Variants in USH1C observed in about 807,000 individuals in gnomAD.
USH1C encodes the protein harmonin.
A neutral mutation model predicts 119.3 loss-of-function variants in USH1C; 90 were observed. The ratio of observed to expected loss-of-function variants is 0.75; its 90% CI spans 0.64 to 0.90. The LOEUF is 0.90. USH1C is among the 40% of genes least tolerant of loss of function. The pLI is 0.00. For synonymous variants in USH1C, 465 were observed against 443.3 expected, an observed-to-expected ratio of 1.05 and a Z score of -0.62; for missense variants, 1,165 against 1,167.7, an observed-to-expected ratio of 1.00 and a Z score of 0.03.
chr11:17,543,742 C>T (rs1292812261), intron 1 of USH1C, among the ~76,000 whole-genome samples: 2 of 152,212 alleles, frequency 1.3e-5, no homozygotes, highest in Non-Finnish European at 2.9e-5. Context: ...TCAGCACCAG[C>T]TCCTCAGCTA....
In USH1C at chr11:17,517,478, C is replaced by T. The variant is rs199972595; in HGVS notation, c.1211-1188G>A. On this transcript the variant is annotated intron_variant, in intron 14 of 26. Coordinates refer to ENST00000005226, the MANE Select transcript of USH1C (RefSeq NM_153676.4). ...TCAGGTTCCACTCCCTGATCATCTACCCAGGGAAAAGAGGAGGAAGCTGGT... is the reference window on the plus strand; with the variant it reads ...TCAGGTTCCACTCCCTGATCATCTATCCAGGGAAAAGAGGAGGAAGCTGGT... 1.5e-5 allele frequency: 24 copies of T among 1,588,792 alleles called. No individual in the cohort carries two copies. In the African/African-American group the frequency reaches 2.7e-4, roughly 18 times the overall value.
At chr11:17,518,190 T>C (rs1307153422) in intron 14 of USH1C, among the ~76,000 whole-genome samples, 1 of 152,266 alleles carries the variant, frequency 6.6e-6, no homozygotes, top group Non-Finnish European at 1.5e-5. Flanking sequence ...TTAAGTTCTT[T>C]GGCTCTTGGC....
intron 1 of USH1C, among the ~76,000 whole-genome samples, chr11:17,541,864 T>C (rs1851484646): frequency 6.6e-6 from 1 of 152,224 alleles, no homozygotes; most frequent in African/African-American, 2.4e-5. Flanking sequence ...GACTGTCTTG[T>C]GAGGTAAGTT....
Position 17,511,991 on chromosome 11 carries a change from CT to C in USH1C, c.1323del (p.Glu442AsnfsTer22), listed in dbSNP as rs1212712910. ...GSLQDLRKNKKELEFEQKLYK... is the reference protein window; with the variant it reads ...GSLQDLRKNKXELEFEQKLYK... ...TAAAGCTTTTGCTCAAACTCCAGTT[CT>C]TTCTTATTCTTTCTCAAGTCCTGCA... On this transcript the variant is annotated frameshift_variant, in exon 16 of 27. Coordinates refer to ENST00000005226, the MANE Select transcript of USH1C (RefSeq NM_153676.4). LOFTEE classifies it high-confidence loss of function. 6.2e-7 allele frequency: 1 copy of C among 1,614,072 alleles called. No homozygotes were observed. The highest frequency in any genetic ancestry group is 8.5e-7 in the Non-Finnish European group (1 of 1,180,052).
At chr11:17,533,368 C>CCCG in intron 1 of USH1C, 46 bp from the exon 2 acceptor site, 1 of 1,380,368 alleles carries the variant, frequency 7.2e-7, no homozygotes, top group Non-Finnish European at 1.0e-6. Flanking sequence ...TCAGCACCCG[C>CCCG]CCCCATAGCA....
Position 17,520,913 on chromosome 11 carries a change from G to A in USH1C, c.1167C>T (p.Thr389=), listed in dbSNP as rs1412769328. 1.9e-6 allele frequency: 3 copies of A among 1,614,004 alleles called. No individual in the cohort carries two copies. The Admixed American group carries it at 5.0e-5, about 27-fold the overall frequency. ...GTACTGGGTGTACCTCAGCAGTGAT[G>A]GTTTTAGGCAAGAGTAGCTGTTCCT... ...GSKEQLLLPK[T]ITAEVHPVPL... Residue 389 remains threonine, a synonymous_variant, in exon 14 of 27, where the codon ACC becomes ACT. Transcript: ENST00000005226.
rs77999105 is a variant in USH1C, at chr11:17,533,490, C to T, written c.37-168G>A. The stretch of plus-strand genomic sequence containing the variant: ...CCAGGCTGCCCCTCTGACCCCAATG[C>T]ATCAGACCTATGCAGACCACCCCAA... On this transcript the variant is annotated intron_variant, in intron 1 of 26. Transcript: ENST00000005226. The T allele has an allele frequency of 1.8e-3, 1,229 of 686,828 alleles. 12 individuals are homozygous for T. Among genetic ancestry groups the T allele is most frequent in the African/African-American group, 0.017 (954 of 56,950 alleles). The allele number at this position is 686,828 out of a possible 1,614,324, so 42.5% of individuals were successfully genotyped here.
chr11:17,510,416 C>G lies in USH1C; in HGVS notation c.1519G>C (p.Glu507Gln), dbSNP rs962425019. The change falls in exon 17 of 27, where the codon GAG (glutamate) becomes CAG (glutamine). Residue 507 changes from glutamate (E) to glutamine (Q), a missense_variant. Coordinates refer to ENST00000005226, the MANE Select transcript of USH1C (RefSeq NM_153676.4). ...AAGGGCTCTGTTACCTCTGAAATCTCATTATCAGCAGAGGAAATCTGCTCG... is the reference window on the plus strand; with the variant it reads ...AAGGGCTCTGTTACCTCTGAAATCTGATTATCAGCAGAGGAAATCTGCTCG... ...RLEQISSADN[E>Q]ISEMTTGPPP... 6.2e-7 allele frequency: 1 copy of G among 1,611,654 alleles called. No individual in the cohort carries two copies. The highest frequency in any genetic ancestry group is 8.5e-7 in the Non-Finnish European group (1 of 1,179,382).
Position 17,512,088 on chromosome 11 carries a change from G to T in USH1C, c.1261-34C>A, listed in dbSNP as rs2190454. On this transcript the variant is annotated intron_variant, in intron 15 of 26. Transcript: ENST00000005226. ...ATGTGGCATTGTTTATATGACAAAG[G>T]TTAGAAATAGTGTCGACAGCACAGC... 8.1e-6 allele frequency: 13 copies of T among 1,612,442 alleles called. No individual in the cohort carries two copies. The East Asian group carries it at 2.7e-4, about 33-fold the overall frequency.
intron 23 of USH1C, among the ~76,000 whole-genome samples, chr11:17,499,985 C>G (rs1229938222): frequency 6.6e-6 from 1 of 152,192 alleles, no homozygotes; most frequent in Non-Finnish European, 1.5e-5. Context: ...TCCAAGGGCA[C>G]CTACATCTCC....
chr11:17,531,407 C>A lies in USH1C; in HGVS notation c.240G>T (p.Arg80=). The A allele has an allele frequency of 6.2e-7, 1 of 1,613,916 alleles. No homozygotes were observed. Among genetic ancestry groups the A allele is most frequent in the Non-Finnish European group, 8.5e-7 (1 of 1,179,904 alleles). ...GGTGGCTTCCTCTGCACCTGGAGCGCCGGGGGGTCAGCTGATCATATTCCA... is the reference window on the plus strand; with the variant it reads ...GGTGGCTTCCTCTGCACCTGGAGCGACGGGGGGTCAGCTGATCATATTCCA... The part of the protein sequence containing the change: ...HQVEYDQLTP[R]RSRKLKEVRL... Residue 80 remains arginine (R), a synonymous_variant, in exon 3 of 27, where the codon CGG becomes CGT. Coordinates refer to ENST00000005226, the MANE Select transcript of USH1C (RefSeq NM_153676.4). This position sits in a 1 kb window ranked among gnomAD's most constrained non-coding sequence, Gnocchi z 4.2.
rs369866148 is a variant in USH1C at position 17,527,268 on chromosome 11, T to C, written c.451A>G (p.Ile151Val). 19 of 1,611,208 alleles carry C rather than the reference T, an allele frequency of 1.2e-5. No individual in the cohort carries two copies. Among genetic ancestry groups the C allele is most frequent in the Non-Finnish European group, 1.6e-5 (19 of 1,178,904 alleles). ...GTTTTCTTGGTTCGAATGAGGTTGATGACCTCCTCATGGGTACAGGAGGAG... is the reference window on the plus strand; with the variant it reads ...GTTTTCTTGGTTCGAATGAGGTTGACGACCTCCTCATGGGTACAGGAGGAG... ...SISSCTHEEV[I>V]NLIRTKKTVS... The change falls in exon 5 of 27, where the codon ATC (isoleucine) becomes GTC (valine). Residue 151 changes from isoleucine (I) to valine (V), a missense_variant. Coordinates refer to ENST00000005226, the MANE Select transcript of USH1C (RefSeq NM_153676.4).
Position 17,527,285 on chromosome 11 carries a change from C to A in USH1C, c.434G>T (p.Cys145Phe), listed in dbSNP as rs1401383916. Residue 145 changes from cysteine to phenylalanine, a missense_variant, in exon 5 of 27, where the codon TGT becomes TTT. Cys to Phe is a radical substitution (Grantham distance 205). Transcript: ENST00000005226. ...VRINGYSISS[C>F]THEEVINLIR... is the part of the protein sequence containing the mutation. Reference sequence around the variant, plus strand: ...GAGGTTGATGACCTCCTCATGGGTACAGGAGGAGATGGAATATCCATTGAT... The same window carrying A: ...GAGGTTGATGACCTCCTCATGGGTAAAGGAGGAGATGGAATATCCATTGAT... The A allele has an allele frequency of 1.2e-6, 2 of 1,612,752 alleles. No individual in the cohort carries two copies. Among genetic ancestry groups the A allele is most frequent in the Non-Finnish European group, 1.7e-6 (2 of 1,179,726 alleles).
rs1476839048 is a variant in USH1C, at chr11:17,509,565, G to A, written c.1804C>T (p.Pro602Ser). 4 of 1,598,124 alleles carry A rather than the reference G, an allele frequency of 2.5e-6. No individual in the cohort carries two copies. The highest frequency in any genetic ancestry group is 1.3e-5 in the African/African-American group (1 of 74,620). The change falls in exon 18 of 27, where the codon CCC becomes TCC. Residue 602 changes from proline (P) to serine (S), a missense_variant. Coordinates refer to ENST00000005226, the MANE Select transcript of USH1C (RefSeq NM_153676.4). The part of the protein sequence containing the change: ...SSPWVQRTPP[P>S]IPIPPPPSVP... ...GATGGCGGGGGAGGGATGGGAATGG[G>A]GGGTGGAGTGCGCTGCACCCATGGA...
intron 17 of USH1C, among the ~76,000 whole-genome samples, 170 bp from the exon 18 acceptor site, chr11:17,510,008 G>T (rs1159681726): frequency 6.6e-6 from 1 of 152,190 alleles, no homozygotes; most frequent in African/African-American, 2.4e-5. Flanking sequence ...GCCCAGCTGA[G>T]GCCATACTAG....
chr11:17,509,911 A>G (rs1849813592), intron 17 of USH1C, 73 bp from the exon 18 acceptor site: 1 of 1,506,300 alleles, frequency 6.6e-7, no homozygotes, highest in South Asian at 1.3e-5. Flanking sequence ...AGCGAGCACT[A>G]TGCTCTTCTA....
At chr11:17,510,039 A>T (rs1849820834) in intron 17 of USH1C, among the ~76,000 whole-genome samples, 1 of 152,196 alleles carries the variant, frequency 6.6e-6, no homozygotes, top group African/African-American at 2.4e-5. Flanking sequence ...GGGAGTGCCC[A>T]AATGCAGAAG....
rs115059650 is a variant in USH1C, at chr11:17,517,546, C to G, written c.1211-1256G>C. 1.8e-3 allele frequency: 2,707 copies of G among 1,474,620 alleles called. 56 individuals are homozygous for G. In the African/African-American group the frequency reaches 0.033, roughly 18 times the overall value. The allele number at this position is 1,474,620 out of a possible 1,614,324, so 91.3% of individuals were successfully genotyped here. On this transcript the variant is annotated intron_variant, in intron 14 of 26. Transcript: ENST00000005226. ...GGAGCCCAAGAGGCCGGAGAACCTTCTCAGGAGTTTGGGGACCTGTAATCA... is the reference window on the plus strand; with the variant it reads ...GGAGCCCAAGAGGCCGGAGAACCTTGTCAGGAGTTTGGGGACCTGTAATCA...
At chr11:17,501,198 G>A (rs1199341377) in intron 22 of USH1C, 48 bp from the exon 23 acceptor site, 1 of 1,464,114 alleles carries the variant, frequency 6.8e-7, no homozygotes, top group Non-Finnish European at 9.5e-7. Context: ...ACAGCAGCCT[G>A]TGGACACCTG....
Sources: allele counts gnomAD v4.1 joint callset (sites outside exome capture counted in the v4.1 genomes callset), GRCh38; gene constraint gnomAD v4.1.1; non-coding constraint Gnocchi (gnomAD v3.1); transcripts MANE v1.5; gene names NCBI Gene and HGNC (gene_info 2026-07-23, HGNC 2026-07-21).